Variants in TEX48 observed in about 807,000 individuals in gnomAD.
TEX48 encodes testis expressed 48.
TEX48 carries 10 observed loss-of-function variants against 13.2 expected under a neutral mutation model. The observed-to-expected ratio is 0.75, with a 90% CI of 0.47 to 1.28. The LOEUF is 1.28. Among genes scored for constraint, TEX48 ranks in the 50% most tolerant of loss-of-function variants. TEX48 has a pLI of 0.00. For missense variants in TEX48, 116 were observed against 139.4 expected, an observed-to-expected ratio of 0.83 and a Z score of 0.84; for synonymous variants, 45 against 52.3, an observed-to-expected ratio of 0.86 and a Z score of 0.60.
intron 4 of TEX48, among the ~76,000 whole-genome samples, chr9:114,667,693 G>A (rs1827866808): frequency 6.6e-6 from 1 of 152,140 alleles, no homozygotes; most frequent in South Asian, 2.1e-4. Context: ...GAGGTCAGGA[G>A]TTCGTGACCA....
intron 1 of TEX48, among the ~76,000 whole-genome samples, chr9:114,680,289 G>A (rs1213789010): frequency 1.3e-5 from 2 of 151,908 alleles, no homozygotes; most frequent in African/African-American, 4.8e-5. Context: ...CACCACGCAT[G>A]GCTAATTTTA....
intron 1 of TEX48, among the ~76,000 whole-genome samples, chr9:114,681,008 C>T (rs1389805898): frequency 6.6e-6 from 1 of 152,202 alleles, no homozygotes; most frequent in African/African-American, 2.4e-5. Flanking sequence ...CTTGTTTAAC[C>T]AGAAATAAAT....
intron 1 of TEX48, among the ~76,000 whole-genome samples, chr9:114,674,602 TTTCCTTCC>T (rs770645165): frequency 0.095 from 4,986 of 52,286 alleles, 264 homozygotes; most frequent in Non-Finnish European, 0.12. Context: ...TCTCTTTTTC[TTTCCTTCC>T]TTCCTTCCTT....
At chr9:114,670,564 T>C (rs1438420331) in intron 3 of TEX48, among the ~76,000 whole-genome samples, 3 of 152,040 alleles carry the variant, frequency 2.0e-5, no homozygotes, top group African/African-American at 7.3e-5. Context: ...TTCATGGATC[T>C]TCAAGAAGGT....
chr9:114,678,216 T>C (rs996249298), intron 1 of TEX48, among the ~76,000 whole-genome samples: 5 of 152,218 alleles, frequency 3.3e-5, no homozygotes, highest in African/African-American at 1.2e-4. Flanking sequence ...ACACCTGTTT[T>C]CTTTGCTTCT....
intron 4 of TEX48, among the ~76,000 whole-genome samples, chr9:114,667,357 C>T (rs899131368): frequency 1.3e-5 from 2 of 152,180 alleles, no homozygotes; most frequent in Non-Finnish European, 2.9e-5. Context: ...AATGTGGCTG[C>T]ATTTCTTCTT....
intron 1 of TEX48, among the ~76,000 whole-genome samples, chr9:114,678,970 G>A (rs990063861): frequency 1.3e-5 from 2 of 151,964 alleles, no homozygotes; most frequent in African/African-American, 4.8e-5. Flanking sequence ...ACTTGAGAGG[G>A]TAAGAAAAAT....
Position 114,671,373 on chromosome 9 carries a change from T to C in TEX48, c.127+10A>G. On this transcript the variant is annotated intron_variant, in intron 3 of 4. Transcript: ENST00000436752. ...AGAGGCCATGCAGAGTGTCCTTATC[T>C]GATACCTACTTTGGGTCGATGGCTT... 1.3e-6 allele frequency: 2 copies of C among 1,535,124 alleles called. No homozygotes were observed. The highest frequency in any genetic ancestry group is 1.7e-6 in the Non-Finnish European group (2 of 1,146,606).
At chr9:114,669,265 A>G (rs956171011) in intron 3 of TEX48, among the ~76,000 whole-genome samples, 2 of 152,110 alleles carry the variant, frequency 1.3e-5, no homozygotes, top group South Asian at 2.1e-4. Context: ...CAAAGTTCCA[A>G]TGTTGTATTA....
chr9:114,666,863 G>T, intron 4 of TEX48, 117 bp from the exon 5 acceptor site: 1 of 622,832 alleles, frequency 1.6e-6, no homozygotes, highest in Non-Finnish European at 2.8e-6. Flanking sequence ...GAATCTCAAG[G>T]GACCCAAGGC....
In TEX48 at chr9:114,671,515, G is replaced by T. The variant is rs1375135491; in HGVS notation, c.5-10C>A. The T allele has an allele frequency of 4.0e-6, 6 of 1,498,370 alleles. No individual in the cohort carries two copies. 92.8% of individuals were successfully genotyped at this position (1,498,370 alleles called of 1,614,324 possible). A position where few individuals can be genotyped will look rare whatever the true frequency, so the allele number is the denominator to read the frequency against. ...AGGTTTTGGTGGGCTGCTGTTGGAG[G>T]CAAAGGAATGAGGGGCATGGGTTCC... On this transcript the variant is annotated splice_polypyrimidine_tract_variant and intron_variant, in intron 2 of 4. Transcript: ENST00000436752.
intron 1 of TEX48, among the ~76,000 whole-genome samples, chr9:114,680,064 C>T (rs1019532549): frequency 1.3e-5 from 2 of 149,956 alleles, no homozygotes; most frequent in African/African-American, 4.9e-5. Flanking sequence ...AATCATGGGG[C>T]ATGACTCCAG....
At chr9:114,681,149 C>T (rs556505954) in intron 1 of TEX48, among the ~76,000 whole-genome samples, 1 of 152,290 alleles carries the variant, frequency 6.6e-6, no homozygotes, top group East Asian at 1.9e-4. Context: ...CTATACACCA[C>T]GTTTTGCACC....
intron 4 of TEX48, 37 bp from the exon 5 acceptor site, chr9:114,666,783 G>T: frequency 1.8e-6 from 2 of 1,082,596 alleles, no homozygotes; most frequent in Non-Finnish European, 2.7e-6. Flanking sequence ...CTGGGTGAAG[G>T]CCTTTGAATT....
chr9:114,677,896 T>C (rs1828105958), intron 1 of TEX48, among the ~76,000 whole-genome samples: 2 of 152,108 alleles, frequency 1.3e-5, no homozygotes, highest in Non-Finnish European at 2.9e-5. Context: ...TGTAGCGTGC[T>C]CTTTCCTGCT....
chr9:114,679,192 A>G lies in TEX48; in HGVS notation c.-105+2843T>C, dbSNP rs112071229. ...TCATATCTAAAATAGAGGATTTAGA[A>G]AAAATCAATTGGAATGGGAAATTCC... On this transcript the variant is annotated intron_variant, in intron 1 of 4. Transcript: ENST00000436752. 2.3e-3 allele frequency among the ~76,000 whole-genome samples: 347 copies of G among 151,822 alleles called. 1 individual carries two copies. Among genetic ancestry groups the G allele is most frequent in the African/African-American group, 8.2e-3 (337 of 41,334 alleles).
intron 2 of TEX48, 66 bp from the exon 3 acceptor site, chr9:114,671,571 T>C: frequency 6.5e-7 from 1 of 1,531,886 alleles, no homozygotes; most frequent in Non-Finnish European, 8.7e-7. Context: ...CTATTGGAAA[T>C]TGACTGTGGT....
At chr9:114,676,877 A>C (rs1022186582) in intron 1 of TEX48, among the ~76,000 whole-genome samples, 4 of 152,076 alleles carry the variant, frequency 2.6e-5, no homozygotes, top group Non-Finnish European at 5.9e-5. Context: ...CGGCCTCCCA[A>C]AGTGCTGGGA....
intron 1 of TEX48, among the ~76,000 whole-genome samples, chr9:114,680,843 T>C (rs1355153462): frequency 6.6e-6 from 1 of 152,206 alleles, no homozygotes; most frequent in African/African-American, 2.4e-5. Flanking sequence ...AACAGACACA[T>C]GCCAGTAGGT....
Sources: gnomAD v4.1 joint callset for allele counts (sites outside exome capture counted in the v4.1 genomes callset) on GRCh38, gnomAD v4.1.1 for gene constraint, MANE v1.5 for transcripts, NCBI Gene and HGNC (gene_info 2026-07-23, HGNC 2026-07-21) for gene names.